The following NUP214 variants were observed in gnomAD, a reference collection of about 807,000 sequenced individuals.
NUP214 encodes the protein nuclear pore complex protein Nup214.
Under a neutral mutation model 196.2 loss-of-function variants are expected in NUP214, and 79 were observed. The observed-to-expected ratio is 0.40, with a 90% CI of 0.34 to 0.49. The LOEUF (loss-of-function observed/expected upper bound fraction) is 0.49, where lower values mean the gene tolerates loss of function less well. Ranked by LOEUF, NUP214 falls within the 20% of genes least tolerant of loss-of-function variation. NUP214 has a pLI of 0.58. For synonymous variants in NUP214, 1,020 were observed against 990.5 expected (o/e 1.03, Z -0.56); for missense variants, 2,468 against 2,539.0 (o/e 0.97, Z 0.60).
rs35406686 is a variant in NUP214 at position 131,234,587 on chromosome 9, AT to A, written c.*1111del. ...ATGAGCAGCGGGGAGTTGGGAAGAG[AT>A]TTTTTTTTTTAGAGTTTTACATATT... On this transcript the variant is annotated 3_prime_UTR_variant, in exon 36 of 36. Coordinates refer to ENST00000359428, the MANE Select transcript of NUP214 (RefSeq NM_005085.4). 11,367 of 195,598 alleles carry A rather than the reference AT, an allele frequency of 0.058. 172 individuals are homozygous for A. Among genetic ancestry groups the A allele is most frequent in the African/African-American group, 0.082 (3,520 of 43,018 alleles). 12.1% of individuals were successfully genotyped at this position (195,598 alleles called of 1,614,324 possible).
chr9:131,159,942 A>G (rs1588139243), intron 18 of NUP214, among the ~76,000 whole-genome samples: 1 of 152,180 alleles, frequency 6.6e-6, no homozygotes, highest in Non-Finnish European at 1.5e-5. Flanking sequence ...ATTTTTCTAT[A>G]GAAACAACAA....
chr9:131,197,845 C>T lies in NUP214; in HGVS notation c.4351C>T (p.Pro1451Ser). 1.4e-5 allele frequency: 22 copies of T among 1,613,208 alleles called. No individual in the cohort carries two copies. The highest frequency in any genetic ancestry group is 1.9e-5 in the Non-Finnish European group (22 of 1,180,026). ...FGSQQTNSTVPPSAPPPTTAA... is the reference protein window; with the variant it reads ...FGSQQTNSTVSPSAPPPTTAA... ...AAGCCAACAGACCAATAGCACAGTG[C>T]CCCCATCTGCCCCACCACCAACTAC... Residue 1451 changes from proline (P) to serine (S), a missense_variant, in exon 29 of 36, where the codon CCC (proline) becomes TCC (serine). Pro to Ser is a moderately conservative substitution (Grantham distance 74). Around this residue, in one of 5 missense-constraint regions of NUP214, gnomAD observed 1,801 missense variants for 1,779.4 expected, o/e 1.01. Transcript: ENST00000359428.
At chr9:131,130,520 G>T (rs966157390) in intron 4 of NUP214, among the ~76,000 whole-genome samples, 2 of 152,076 alleles carry the variant, frequency 1.3e-5, no homozygotes, top group Non-Finnish European at 2.9e-5. Flanking sequence ...TCTGTATTTT[G>T]CAGCTTTCTG....
chr9:131,126,733 A>G lies in NUP214; in HGVS notation c.46-791A>G, dbSNP rs543314970. ...CCACTAATTTTTTATATCATTTGGT[A>G]GAGACTGGGTTTCACGATGTTGGCC... is the stretch of plus-strand genomic sequence containing the variant. On this transcript the variant is annotated intron_variant, in intron 1 of 35. Transcript: ENST00000359428. Among the ~76,000 whole-genome samples the G allele has an allele frequency of 7.9e-5, 12 of 152,104 alleles. 1 individual carries two copies. Among genetic ancestry groups the G allele is most frequent in the Admixed American group, 3.3e-4 (5 of 15,288 alleles).
At chr9:131,170,186 AAAAT>A (rs1832915265) in intron 21 of NUP214, among the ~76,000 whole-genome samples, 3 of 152,294 alleles carry the variant, frequency 2.0e-5, no homozygotes, top group Non-Finnish European at 2.9e-5. Flanking sequence ...CCACAATAAA[AAAAT>A]AAATAAATAA....
At chr9:131,192,341 C>T (rs1306905153) in intron 27 of NUP214, 49 bp downstream of exon 27, 1 of 1,087,546 alleles carries the variant, frequency 9.2e-7, no homozygotes, top group Admixed American at 2.0e-5. Flanking sequence ...AATTAGCTTC[C>T]CCAAATCTTA....
rs200140462 is a variant in NUP214, at chr9:131,188,894, AC to A, written c.3496-157del. ...TTACATATGGTTAACTTAAATTGAG[AC>A]CTTTTTTTTGTTTCCTTTTTCTTTT... is the stretch of plus-strand genomic sequence containing the variant. On this transcript the variant is annotated intron_variant, in intron 25 of 35. Coordinates refer to ENST00000359428, the MANE Select transcript of NUP214 (RefSeq NM_005085.4). Among the ~76,000 whole-genome samples, 1,104 of 152,138 alleles carry A rather than the reference AC, an allele frequency of 7.3e-3. 18 individuals carry two copies. The highest frequency in any genetic ancestry group is 0.019 in the Admixed American group (298 of 15,288).
chr9:131,138,453 G>A (rs1481874486), intron 9 of NUP214, among the ~76,000 whole-genome samples: 1 of 151,948 alleles, frequency 6.6e-6, no homozygotes, highest in Non-Finnish European at 1.5e-5. Flanking sequence ...CCTGACCCCA[G>A]GTGATCCACC....
chr9:131,200,732 G>C (rs978043891), intron 29 of NUP214, among the ~76,000 whole-genome samples: 2 of 151,920 alleles, frequency 1.3e-5, no homozygotes, highest in African/African-American at 4.8e-5. Flanking sequence ...AAAGAAACGA[G>C]AGTAGAACTC....
At chr9:131,173,980 T>C in intron 21 of NUP214, 75 bp from the exon 22 acceptor site, 3 of 1,478,694 alleles carry the variant, frequency 2.0e-6, no homozygotes, top group Non-Finnish European at 2.8e-6. Flanking sequence ...TTTTTTTTTA[T>C]CAACAGTGAA....
chr9:131,199,757 GA>G (rs1202308165), intron 29 of NUP214, among the ~76,000 whole-genome samples: 4 of 152,166 alleles, frequency 2.6e-5, no homozygotes, highest in Non-Finnish European at 5.9e-5. Context: ...GACTCTAGGA[GA>G]AAAGCAAGGA....
In NUP214 at chr9:131,197,220, A is replaced by C. The variant is rs1490680115; in HGVS notation, c.3726A>C (p.Ala1242=). 6.2e-7 allele frequency: 1 copy of C among 1,613,666 alleles called. No individual in the cohort carries two copies. Residue 1242 remains alanine, a synonymous_variant, in exon 29 of 36, where the codon GCA becomes GCC. Coordinates refer to ENST00000359428, the MANE Select transcript of NUP214 (RefSeq NM_005085.4). The part of the protein sequence containing the change: ...PSSNFTAAQG[A]TPSTKESSQP... ...CTGATTTCTTTTTCTTGCTAGGGGCAACACCCTCCACTAAAGAGTCAAGCC... is the reference window on the plus strand; with the variant it reads ...CTGATTTCTTTTTCTTGCTAGGGGCCACACCCTCCACTAAAGAGTCAAGCC...
At chr9:131,128,720 G>C (rs1831440410) in intron 3 of NUP214, 1 of 432,234 alleles carries the variant, frequency 2.3e-6, no homozygotes, top group Non-Finnish European at 4.1e-6. Context: ...TAGGTGACTT[G>C]CCCAAAGTCA....
chr9:131,135,561 C>G (rs1831702194), intron 8 of NUP214, among the ~76,000 whole-genome samples: 1 of 152,188 alleles, frequency 6.6e-6, no homozygotes. Flanking sequence ...TATTGATATT[C>G]AAGGAATATA....
In NUP214 at chr9:131,227,482, A is replaced by T. The variant is rs938708932; in HGVS notation, c.5903-678A>T. The stretch of plus-strand genomic sequence containing the variant: ...TCCAGACTGCAGGAAAAAAGCATTT[A>T]AAAAAAAAAAAACAAACCTCCACTG... On this transcript the variant is annotated intron_variant, in intron 32 of 35. Coordinates refer to ENST00000359428, the MANE Select transcript of NUP214 (RefSeq NM_005085.4). Among the ~76,000 whole-genome samples the T allele has an allele frequency of 3.0e-4, 43 of 144,736 alleles. 1 individual carries two copies. The highest frequency in any genetic ancestry group is 2.0e-3 in the South Asian group (9 of 4,610). 95.0% of individuals were successfully genotyped at this position (144,736 alleles called of 152,430 possible).
chr9:131,131,769 G>T (rs1232719578), intron 5 of NUP214, among the ~76,000 whole-genome samples: 1 of 151,756 alleles, frequency 6.6e-6, no homozygotes, highest in African/African-American at 2.4e-5. Context: ...GTTCACTGCA[G>T]CCTCAGCCTC....
rs767718434 is a variant in NUP214 at position 131,198,133 on chromosome 9, G to T, written c.4639G>T (p.Ala1547Ser). ...VKKEPVLAQP[A>S]VSNSGTAASS... ...AAAAGAACCTGTTCTTGCCCAGCCT[G>T]CAGTCAGCAACTCTGGCACTGCAGC... The change falls in exon 29 of 36, where the codon GCA becomes TCA. Residue 1547 changes from alanine (A) to serine (S), a missense_variant. Physicochemically the swap from Ala to Ser is moderately conservative, Grantham distance 99. Around this residue, in one of 5 missense-constraint regions of NUP214, gnomAD observed 1,801 missense variants for 1,779.4 expected, o/e 1.01. Coordinates refer to ENST00000359428, the MANE Select transcript of NUP214 (RefSeq NM_005085.4). The T allele has an allele frequency of 2.5e-6, 4 of 1,614,210 alleles. No homozygotes were observed. Among genetic ancestry groups the T allele is most frequent in the South Asian group, 1.1e-5 (1 of 91,086 alleles).
chr9:131,160,219 T>C (rs1832588887), intron 18 of NUP214, among the ~76,000 whole-genome samples: 1 of 152,090 alleles, frequency 6.6e-6, no homozygotes, highest in Non-Finnish European at 1.5e-5. Flanking sequence ...TATAAAAATT[T>C]AATAAGTAAA....
chr9:131,130,137 G>GTTTTGTTTTTTTTTTTTTTT (rs1564176236), intron 4 of NUP214, among the ~76,000 whole-genome samples: 12 of 76,894 alleles, frequency 1.6e-4, no homozygotes, highest in Non-Finnish European at 2.1e-4. Flanking sequence ...TTCTGGTTTT[G>GTTTTGTTTTTTTTTTTTTTT]TTTTTTTTTT....
Sources: allele counts gnomAD v4.1 joint callset (sites outside exome capture counted in the v4.1 genomes callset), GRCh38; gene constraint gnomAD v4.1.1; regional missense constraint gnomAD v4.1.1; transcripts MANE v1.5; gene names NCBI Gene and HGNC (gene_info 2026-07-23, HGNC 2026-07-21).